KCNT2: variants seen among roughly 807,000 people sequenced by gnomAD.
KCNT2 encodes the protein potassium channel subfamily T member 2.
In KCNT2, 67 loss-of-function variants were observed where a neutral mutation model predicts 153.8. That is an observed-to-expected ratio of 0.44 (90% CI 0.36 to 0.53). The LOEUF is 0.53. Ranked by LOEUF, KCNT2 falls within the 20% of genes least tolerant of loss-of-function variation. KCNT2 has a pLI of 0.00. For missense variants in KCNT2, 975 were observed against 1,354.8 expected (o/e 0.72, Z 4.40); for synonymous variants, 500 against 458.8 (o/e 1.09, Z -1.15).
At chr1:196,288,258 T>C (rs1031541479) in intron 22 of KCNT2, among the ~76,000 whole-genome samples, 4 of 152,054 alleles carry the variant, frequency 2.6e-5, no homozygotes, top group African/African-American at 9.7e-5. Flanking sequence ...GAGCAATAAG[T>C]TTGGACTAGG....
intron 21 of KCNT2, among the ~76,000 whole-genome samples, chr1:196,315,215 TG>T (rs1292633669): frequency 2.0e-5 from 3 of 151,684 alleles, no homozygotes; most frequent in African/African-American, 7.3e-5. Context: ...ACTTAAAAAA[TG>T]GTCTTTTGGA....
intron 8 of KCNT2, 57 bp downstream of exon 8, chr1:196,465,236 C>T: frequency 3.2e-6 from 3 of 925,376 alleles, no homozygotes; most frequent in South Asian, 1.6e-5. Context: ...ATATGGTTTC[C>T]TTTAGAAATT....
intron 13 of KCNT2, among the ~76,000 whole-genome samples, chr1:196,377,190 G>A (rs1669041387): frequency 1.3e-5 from 2 of 151,994 alleles, no homozygotes; most frequent in South Asian, 4.1e-4. Flanking sequence ...TGAAAGAATG[G>A]AAATTACAGA....
chr1:196,406,620 C>G (rs1473137389), intron 12 of KCNT2, among the ~76,000 whole-genome samples: 1 of 150,818 alleles, frequency 6.6e-6, no homozygotes, highest in East Asian at 2.0e-4. Flanking sequence ...TAAAAGAAGA[C>G]TTGGTCTAGC....
intron 25 of KCNT2, chr1:196,273,562 A>G (rs1384819086): frequency 9.7e-7 from 1 of 1,026,324 alleles, no homozygotes; most frequent in African/African-American, 1.6e-5. Context: ...ATGCATGCCA[A>G]CAATCAGTAA....
intron 8 of KCNT2, among the ~76,000 whole-genome samples, chr1:196,463,725 C>T (rs551595794): frequency 6.6e-6 from 1 of 151,356 alleles, no homozygotes; most frequent in Non-Finnish European, 1.5e-5. Flanking sequence ...AATGAATAAC[C>T]CTTTCTCTAG....
intron 26 of KCNT2, among the ~76,000 whole-genome samples, chr1:196,252,542 T>C (rs1037092676): frequency 1.3e-5 from 2 of 151,702 alleles, no homozygotes; most frequent in Non-Finnish European, 3.0e-5. Flanking sequence ...TCCTTTCCTG[T>C]TATTTCAGTT....
chr1:196,244,044 C>A (rs993398692), intron 26 of KCNT2, among the ~76,000 whole-genome samples: 11 of 152,052 alleles, frequency 7.2e-5, no homozygotes, highest in Non-Finnish European at 1.3e-4. Context: ...CCGAGGTCCA[C>A]ATTCCAGGCT....
At chr1:196,266,277 A>G (rs1460331759) in intron 25 of KCNT2, among the ~76,000 whole-genome samples, 1 of 152,194 alleles carries the variant, frequency 6.6e-6, no homozygotes, top group Non-Finnish European at 1.5e-5. Context: ...AACTATAGTT[A>G]TCACTGGAGA....
chr1:196,594,426 T>C (rs1307562867), intron 1 of KCNT2, among the ~76,000 whole-genome samples: 1 of 152,134 alleles, frequency 6.6e-6, no homozygotes, highest in Non-Finnish European at 1.5e-5. Flanking sequence ...TGTACACATA[T>C]ATATGTGGTG....
At chr1:196,470,022 G>A (rs987419460) in intron 5 of KCNT2, among the ~76,000 whole-genome samples, 2 of 152,182 alleles carry the variant, frequency 1.3e-5, no homozygotes, top group African/African-American at 2.4e-5. Flanking sequence ...ACATCCCAAA[G>A]GAAAGTTGTA....
chr1:196,273,484 C>T (rs1047024674), intron 25 of KCNT2: 29 of 1,530,018 alleles, frequency 1.9e-5, no homozygotes, highest in African/African-American at 1.5e-4. Flanking sequence ...TGCTATTTTT[C>T]GAGACTGACA....
intron 5 of KCNT2, among the ~76,000 whole-genome samples, chr1:196,476,939 C>T (rs1678586255): frequency 6.6e-6 from 1 of 152,062 alleles, no homozygotes; most frequent in Non-Finnish European, 1.5e-5. Context: ...AAATGACCTC[C>T]TAATTTGTAA....
At chr1:196,481,100 C>G (rs937546766) in intron 4 of KCNT2, among the ~76,000 whole-genome samples, 1 of 151,908 alleles carries the variant, frequency 6.6e-6, no homozygotes, top group African/African-American at 2.4e-5. Flanking sequence ...CAACAAAAGT[C>G]AGAGTAAGGA....
At chr1:196,467,628 C>G (rs980299515) in intron 7 of KCNT2, 75 bp downstream of exon 7, 36 of 931,482 alleles carry the variant, frequency 3.9e-5, no homozygotes, top group Non-Finnish European at 6.6e-6. Context: ...TTCTCTCTCT[C>G]TGTTTAATCT....
intron 8 of KCNT2, among the ~76,000 whole-genome samples, chr1:196,457,522 C>CAAAAAA (rs1179613680): frequency 1.3e-5 from 1 of 76,616 alleles, no homozygotes; most frequent in Admixed American, 1.4e-4. Context: ...TAAAGCTTAC[C>CAAAAAA]AAAAAAAAAA....
At chr1:196,278,720 C>T (rs927403140) in intron 25 of KCNT2, among the ~76,000 whole-genome samples, 17 of 152,088 alleles carry the variant, frequency 1.1e-4, no homozygotes, top group African/African-American at 3.4e-4. Flanking sequence ...CATTACAATT[C>T]CCAAAGCCTA....
chr1:196,511,770 C>T (rs906997688), intron 1 of KCNT2, among the ~76,000 whole-genome samples: 4 of 152,138 alleles, frequency 2.6e-5, no homozygotes, highest in Admixed American at 6.6e-5. Flanking sequence ...AATTACTCTT[C>T]TTACAAGAAC....
chr1:196,428,449 T>TGTCTCCCAGGGGCTTCGG (rs1253045931), intron 9 of KCNT2, among the ~76,000 whole-genome samples, 180 bp from the exon 10 acceptor site: 1 of 152,060 alleles, frequency 6.6e-6, no homozygotes, highest in African/African-American at 2.4e-5. Context: ...AGGCTGCAAA[T>TGTCTCCCAGGGGCTTCGG]GTCTCCCAGG....
Sources: allele counts gnomAD v4.1 joint callset (sites outside exome capture counted in the v4.1 genomes callset), GRCh38; gene constraint gnomAD v4.1.1; transcripts MANE v1.5; gene names NCBI Gene and HGNC (gene_info 2026-07-23, HGNC 2026-07-21).